The following SEZ6L variants were observed in gnomAD, a reference collection of about 807,000 sequenced individuals.
SEZ6L encodes the protein seizure 6-like protein.
A neutral mutation model predicts 106.2 loss-of-function variants in SEZ6L; 37 were observed. That is an observed-to-expected ratio of 0.35 (90% CI 0.27 to 0.46). SEZ6L has a LOEUF of 0.46. SEZ6L is among the 20% of genes least tolerant of loss of function. The probability of loss-of-function intolerance (pLI) is 1.00; values close to 1 mark genes in which losing one functional copy is unlikely to be tolerated. For missense variants in SEZ6L, 1,172 were observed against 1,332.8 expected, an observed-to-expected ratio of 0.88 and a Z score of 1.88; for synonymous variants, 541 against 570.4, an observed-to-expected ratio of 0.95 and a Z score of 0.73.
chr22:26,366,125 A>G (rs965576983), intron 13 of SEZ6L, among the ~76,000 whole-genome samples: 3 of 152,140 alleles, frequency 2.0e-5, no homozygotes, highest in Non-Finnish European at 4.4e-5. Context: ...TGAGGTCAGG[A>G]GTTCAAGACC....
At chr22:26,285,197 G>T (rs73156895) in intron 1 of SEZ6L, among the ~76,000 whole-genome samples, 19 of 152,216 alleles carry the variant, frequency 1.2e-4, no homozygotes, top group Non-Finnish European at 8.8e-5. Context: ...GACCACAGGG[G>T]GCCGGCAGCT....
At chr22:26,335,356 G>C (rs1353907651) in intron 9 of SEZ6L, among the ~76,000 whole-genome samples, 1 of 152,118 alleles carries the variant, frequency 6.6e-6, no homozygotes, top group Non-Finnish European at 1.5e-5. Context: ...GTGCAGTCCA[G>C]TCTGAAAATC....
In SEZ6L at chr22:26,299,035, C is replaced by T. The variant is rs774464657; in HGVS notation, c.1214C>T (p.Thr405Met). Residue 405 changes from threonine to methionine, a missense_variant, in exon 5 of 17, where the codon ACG becomes ATG. By Grantham distance (81) the Thr-to-Met change is moderately conservative. Transcript: ENST00000248933. Reference protein sequence around the residue: ...FPRRPDSGDVTVMDLHSGGVA... With the variant: ...FPRRPDSGDVMVMDLHSGGVA... ...CGCCGGCCTGACTCTGGGGATGTCA[C>T]GGTGATGGACCTGCACTCAGGTGGG... 2.7e-5 allele frequency: 43 copies of T among 1,604,374 alleles called. No homozygotes were observed. In the South Asian group the frequency reaches 3.0e-4, roughly 11 times the overall value.
chr22:26,278,441 C>T (rs2080627568), intron 1 of SEZ6L, among the ~76,000 whole-genome samples: 1 of 152,200 alleles, frequency 6.6e-6, no homozygotes, highest in African/African-American at 2.4e-5. Context: ...ACCCGTCTTC[C>T]ACCCTCCCCA....
chr22:26,296,584 G>A (rs577879185), intron 3 of SEZ6L, among the ~76,000 whole-genome samples: 3 of 152,312 alleles, frequency 2.0e-5, no homozygotes, highest in African/African-American at 4.8e-5. Context: ...CCACCCACTA[G>A]CATCCAGGGC....
chr22:26,282,668 GAGTACCTCAAAA>G (rs2080809998), intron 1 of SEZ6L, among the ~76,000 whole-genome samples: 1 of 152,186 alleles, frequency 6.6e-6, no homozygotes, highest in African/African-American at 2.4e-5. Context: ...GAAAGCTCGA[GAGTACCTCAAAA>G]ATCATCAAGG....
chr22:26,284,713 G>T (rs1288794903), intron 1 of SEZ6L, among the ~76,000 whole-genome samples: 2 of 150,772 alleles, frequency 1.3e-5, no homozygotes, highest in African/African-American at 4.9e-5. Flanking sequence ...ACGTAGGAGA[G>T]AAGTGCTTGT....
chr22:26,329,734 G>A (rs1037462701), intron 9 of SEZ6L, among the ~76,000 whole-genome samples: 1 of 152,192 alleles, frequency 6.6e-6, no homozygotes, highest in Non-Finnish European at 1.5e-5. Context: ...TGGGTCTTTG[G>A]GGCTCAGTTT....
intron 8 of SEZ6L, among the ~76,000 whole-genome samples, chr22:26,312,745 T>C (rs1399076981): frequency 2.0e-5 from 3 of 152,230 alleles, no homozygotes; most frequent in African/African-American, 7.2e-5. Context: ...TAATTTTGTA[T>C]TTTTAGTAGA....
intron 1 of SEZ6L, among the ~76,000 whole-genome samples, chr22:26,176,960 A>G (rs1939043410): frequency 1.3e-5 from 2 of 152,326 alleles, no homozygotes; most frequent in Admixed American, 6.5e-5. Context: ...GCCAATTTAC[A>G]TAACTCCCTC....
intron 1 of SEZ6L, among the ~76,000 whole-genome samples, chr22:26,206,302 C>A (rs1362239649): frequency 6.6e-6 from 1 of 152,192 alleles, no homozygotes; most frequent in East Asian, 1.9e-4. Context: ...TCCTTTACCC[C>A]CAATTCCTGC....
At chr22:26,174,337 C>T (rs1475910597) in intron 1 of SEZ6L, among the ~76,000 whole-genome samples, 1 of 152,132 alleles carries the variant, frequency 6.6e-6, no homozygotes, top group Admixed American at 6.5e-5. Context: ...TCTCAGAACA[C>T]ATCACACCCC....
intron 6 of SEZ6L, among the ~76,000 whole-genome samples, chr22:26,307,337 C>A (rs1355950787): frequency 6.6e-6 from 1 of 152,126 alleles, no homozygotes; most frequent in Non-Finnish European, 1.5e-5. Context: ...GAGGGTAGGG[C>A]ACTGGCAGTG....
intron 1 of SEZ6L, among the ~76,000 whole-genome samples, chr22:26,282,546 A>G (rs898889198): frequency 2.0e-5 from 3 of 152,194 alleles, no homozygotes; most frequent in African/African-American, 7.2e-5. Flanking sequence ...GCATGTCTGC[A>G]AAGCACCCTA....
At chr22:26,172,533 T>C (rs183104065) in intron 1 of SEZ6L, among the ~76,000 whole-genome samples, 4 of 152,338 alleles carry the variant, frequency 2.6e-5, no homozygotes, top group Non-Finnish European at 4.4e-5. Context: ...CCTCCTATTC[T>C]GTCCAGAGAC....
intron 7 of SEZ6L, 117 bp downstream of exon 7, chr22:26,310,953 T>G: frequency 1.0e-6 from 1 of 1,000,050 alleles, no homozygotes; most frequent in Non-Finnish European, 1.5e-6. Context: ...CCCATGGCCA[T>G]GTGGATCCTT....
intron 1 of SEZ6L, among the ~76,000 whole-genome samples, chr22:26,276,079 T>A (rs1190866190): frequency 6.6e-6 from 1 of 152,234 alleles, no homozygotes; most frequent in Non-Finnish European, 1.5e-5. Context: ...CCCAGTTTGC[T>A]CACCATTAAA....
At chr22:26,313,603 C>T (rs1389708359) in intron 8 of SEZ6L, among the ~76,000 whole-genome samples, 161 bp from the exon 9 acceptor site, 1 of 17,306 alleles carries the variant, frequency 5.8e-5, no homozygotes, top group Non-Finnish European at 1.1e-4. Context: ...CACACACACA[C>T]GCACACACAC....
chr22:26,310,614 A>G, intron 6 of SEZ6L, 56 bp from the exon 7 acceptor site: 2 of 1,592,494 alleles, frequency 1.3e-6, no homozygotes. Flanking sequence ...TTCCTCTGCC[A>G]TGTCAGTGAC....
Sources: allele counts gnomAD v4.1 joint callset (sites outside exome capture counted in the v4.1 genomes callset), GRCh38; gene constraint gnomAD v4.1.1; transcripts MANE v1.5; gene names NCBI Gene and HGNC (gene_info 2026-07-23, HGNC 2026-07-21).